Variants in RIPOR2 observed in about 807,000 individuals in gnomAD.
RIPOR2 encodes the protein RHO family interacting cell polarization regulator 2.
In RIPOR2, 39 loss-of-function variants were observed where a neutral mutation model predicts 114.5. That is an observed-to-expected ratio of 0.34 (90% CI 0.26 to 0.44). The LOEUF (loss-of-function observed/expected upper bound fraction) is 0.44. Ranked by LOEUF, RIPOR2 falls within the 20% of genes least tolerant of loss-of-function variation. The pLI, the probability that RIPOR2 is intolerant of heterozygous loss-of-function variation, is 1.00. For synonymous variants in RIPOR2, 445 were observed against 484.4 expected (o/e 0.92, Z 1.07); for missense variants, 1,007 against 1,255.1 (o/e 0.80, Z 2.99).
chr6:24,807,343 T>A (rs1226977739), intron 21 of RIPOR2, among the ~76,000 whole-genome samples: 1 of 152,072 alleles, frequency 6.6e-6, no homozygotes, highest in Non-Finnish European at 1.5e-5. Context: ...TGTGGTGGAA[T>A]CCACCTGTAG....
Position 25,004,646 on chromosome 6 carries a change from A to AG in RIPOR2, c.76+37204dup, listed in dbSNP as rs199986774. On this transcript the variant is annotated intron_variant, in intron 1 of 13. Transcript: ENST00000510784. The stretch of plus-strand genomic sequence containing the variant: ...GATCCCATTATGCAAGGGGCTGCTG[A>AG]GGGACTATTTGTCCCGAACTGGAGG... 9.5e-3 allele frequency among the ~76,000 whole-genome samples: 1,445 copies of AG among 152,332 alleles called. 20 individuals are homozygous for AG. Among genetic ancestry groups the AG allele is most frequent in the African/African-American group, 0.031 (1,281 of 41,576 alleles).
chr6:25,005,738 T>TATATATATATACACATAC (rs34572978), intron 1 of RIPOR2, among the ~76,000 whole-genome samples: 2 of 70,700 alleles, frequency 2.8e-5, no homozygotes, highest in African/African-American at 8.2e-5. Flanking sequence ...TATATATATA[T>TATATATATATACACATAC]ATACATTTAC....
intron 1 of RIPOR2, among the ~76,000 whole-genome samples, chr6:25,004,998 C>A (rs1327724512): frequency 9.2e-6 from 1 of 109,226 alleles, no homozygotes; most frequent in Non-Finnish European, 1.8e-5. Context: ...CACACACACA[C>A]ACACACACAC....
chr6:24,895,825 C>T (rs986876330), intron 1 of RIPOR2, among the ~76,000 whole-genome samples: 4 of 152,084 alleles, frequency 2.6e-5, no homozygotes, highest in African/African-American at 7.2e-5. Context: ...CCTGTCTCTA[C>T]TAAAAAATAC....
At chr6:24,871,131 C>T (rs1376114080) in intron 4 of RIPOR2, among the ~76,000 whole-genome samples, 4 of 152,128 alleles carry the variant, frequency 2.6e-5, no homozygotes, top group East Asian at 1.9e-4. Context: ...CATTTATTTA[C>T]AGTCTGTTTC....
rs543565258 is a variant in RIPOR2, at chr6:24,805,316, TATC to T, written c.*1054_*1056del. On this transcript the variant is annotated 3_prime_UTR_variant, in exon 22 of 22. Transcript: ENST00000643898. ...TTAATGTAGTTCTTAGTCATTTACTTATCATTTTTCCATAATGGAAACATGATT... is the reference window on the plus strand; with the variant it reads ...TTAATGTAGTTCTTAGTCATTTACTTATTTTTCCATAATGGAAACATGATT... The T allele has an allele frequency of 1.1e-4, 17 of 152,110 alleles. No homozygotes were observed. Among genetic ancestry groups the T allele is most frequent in the Admixed American group, 1.1e-3 (17 of 15,282 alleles). 9.4% of individuals were successfully genotyped at this position (152,110 alleles called of 1,614,324 possible).
chr6:24,891,969 G>A (rs1233020448), intron 1 of RIPOR2, among the ~76,000 whole-genome samples: 2 of 151,966 alleles, frequency 1.3e-5, no homozygotes, highest in Admixed American at 6.6e-5. Context: ...AGTGATTCTC[G>A]TGCCTCAGCC....
chr6:24,856,197 A>C (rs937095639), intron 8 of RIPOR2, among the ~76,000 whole-genome samples: 1 of 151,978 alleles, frequency 6.6e-6, no homozygotes, highest in African/African-American at 2.4e-5. Context: ...GCAGAAACTC[A>C]CCAGCTCGTC....
chr6:24,921,662 C>A (rs1355633294), intron 1 of RIPOR2, among the ~76,000 whole-genome samples: 2 of 150,216 alleles, frequency 1.3e-5, no homozygotes, highest in African/African-American at 4.9e-5. Flanking sequence ...CCCCCCCCGA[C>A]CCTGATGTAC....
chr6:24,967,233 T>A (rs1773567205), intron 1 of RIPOR2, among the ~76,000 whole-genome samples: 1 of 152,124 alleles, frequency 6.6e-6, no homozygotes, highest in Admixed American at 6.5e-5. Flanking sequence ...GCTTGAGAAA[T>A]CATGTGAGCT....
At chr6:24,927,371 TCAC>T (rs1354684292) in intron 1 of RIPOR2, among the ~76,000 whole-genome samples, 1 of 135,982 alleles carries the variant, frequency 7.4e-6, no homozygotes, top group African/African-American at 2.8e-5. Flanking sequence ...ATCATCATCA[TCAC>T]CTCACCACCA....
chr6:24,987,500 C>T (rs537721106), intron 1 of RIPOR2, among the ~76,000 whole-genome samples: 1 of 152,292 alleles, frequency 6.6e-6, no homozygotes, highest in East Asian at 1.9e-4. Context: ...AACAGAGAGG[C>T]TCACAGGCCA....
At chr6:24,896,645 C>G (rs2113994151) in intron 1 of RIPOR2, among the ~76,000 whole-genome samples, 1 of 152,280 alleles carries the variant, frequency 6.6e-6, no homozygotes, top group South Asian at 2.1e-4. Context: ...TGGCTCACGC[C>G]TGTAATCCCA....
At chr6:24,837,959 C>A (rs1452623875) in intron 14 of RIPOR2, among the ~76,000 whole-genome samples, 2 of 152,114 alleles carry the variant, frequency 1.3e-5, no homozygotes, top group Admixed American at 1.3e-4. Flanking sequence ...TAAAGATGAG[C>A]GGGCAATCCA....
At chr6:24,957,666 G>A (rs1374913174) in intron 1 of RIPOR2, among the ~76,000 whole-genome samples, 1 of 152,182 alleles carries the variant, frequency 6.6e-6, no homozygotes, top group Non-Finnish European at 1.5e-5. Context: ...GAGGTCAGGA[G>A]ATCGAGACCA....
chr6:24,867,536 A>G (rs2113859861), intron 6 of RIPOR2, among the ~76,000 whole-genome samples: 1 of 152,324 alleles, frequency 6.6e-6, no homozygotes, highest in Admixed American at 6.5e-5. Flanking sequence ...TGCCCTTGCA[A>G]CCCTTTCCCC....
At chr6:24,968,007 G>A (rs1394418773) in intron 1 of RIPOR2, among the ~76,000 whole-genome samples, 1 of 150,848 alleles carries the variant, frequency 6.6e-6, no homozygotes, top group African/African-American at 2.4e-5. Context: ...CCGCCTCCCA[G>A]GTTTGAATGA....
At chr6:24,854,596 C>T (rs1000367525) in intron 8 of RIPOR2, among the ~76,000 whole-genome samples, 8 of 152,130 alleles carry the variant, frequency 5.3e-5, no homozygotes, top group African/African-American at 1.9e-4. Context: ...AAGCAAAGCA[C>T]TTTACATTCC....
intron 1 of RIPOR2, among the ~76,000 whole-genome samples, chr6:25,035,147 G>T (rs2113768915): frequency 6.6e-6 from 1 of 152,300 alleles, no homozygotes; most frequent in Admixed American, 6.5e-5. Flanking sequence ...ATTCAGAACT[G>T]GGGAGAAACC....
Sources: allele counts gnomAD v4.1 joint callset (sites outside exome capture counted in the v4.1 genomes callset), GRCh38; gene constraint gnomAD v4.1.1; transcripts MANE v1.5; gene names NCBI Gene and HGNC (gene_info 2026-07-23, HGNC 2026-07-21).